ATP2B2: variants seen among roughly 807,000 people sequenced by gnomAD.
ATP2B2 encodes ATPase plasma membrane Ca2+ transporting 2, also known as plasma membrane calcium-transporting ATPase 2.
Under a neutral mutation model 120.0 loss-of-function variants are expected in ATP2B2, and 15 were observed. The ratio of observed to expected loss-of-function variants is 0.12; its 90% CI spans 0.08 to 0.19. ATP2B2 has a LOEUF of 0.19. Among genes scored for constraint, ATP2B2 ranks in the 10% least tolerant of loss-of-function variants. ATP2B2 has a pLI of 1.00. For synonymous variants in ATP2B2, 694 were observed against 700.3 expected, an observed-to-expected ratio of 0.99 and a Z score of 0.14; for missense variants, 1,045 against 1,719.8, an observed-to-expected ratio of 0.61 and a Z score of 6.94.
rs374253650 is a variant in ATP2B2, at chr3:10,382,600, AC to A, written c.1000+2667del. Among the ~76,000 whole-genome samples, 1,027 of 146,890 alleles carry A rather than the reference AC, an allele frequency of 7.0e-3. 12 individuals carry two copies. Among genetic ancestry groups the A allele is most frequent in the African/African-American group, 0.025 (982 of 39,488 alleles). ...TCCAACTCCTGACCTCAAGCAATCC[AC>A]CTGCCTTGGCCTCCCAAAGTGCTGG... On this transcript the variant is annotated intron_variant, in intron 8 of 22. Transcript: ENST00000360273.
chr3:10,348,770 C>A (rs2060496959), intron 16 of ATP2B2, among the ~76,000 whole-genome samples: 1 of 152,240 alleles, frequency 6.6e-6, no homozygotes, highest in Non-Finnish European at 1.5e-5. Flanking sequence ...ATGCAGGGAC[C>A]ACTTATTCAA....
chr3:10,610,979 C>T (rs967005562), intron 2 of ATP2B2, among the ~76,000 whole-genome samples: 1 of 152,162 alleles, frequency 6.6e-6, no homozygotes, highest in African/African-American at 2.4e-5. Flanking sequence ...GCTGACAGTC[C>T]CTCTCAGCAG....
At chr3:10,447,860 A>G (rs1016459665) in intron 2 of ATP2B2, among the ~76,000 whole-genome samples, 15 of 152,378 alleles carry the variant, frequency 9.8e-5, no homozygotes, top group Admixed American at 7.2e-4. Flanking sequence ...ACAAAAAAAT[A>G]GCACCCAGTG....
At chr3:10,571,728 C>T (rs372334664) in intron 2 of ATP2B2, among the ~76,000 whole-genome samples, 54 of 152,170 alleles carry the variant, frequency 3.5e-4, no homozygotes, top group African/African-American at 1.3e-3. Flanking sequence ...TTTAAATGCA[C>T]CCTGGATGAC....
intron 22 of ATP2B2, among the ~76,000 whole-genome samples, chr3:10,335,045 G>A (rs1197081666): frequency 6.6e-6 from 1 of 152,216 alleles, no homozygotes; most frequent in African/African-American, 2.4e-5. Flanking sequence ...GGGGCCCGAA[G>A]CCATGGGTCC....
At chr3:10,504,100 T>C (rs1182475694) in intron 1 of ATP2B2, among the ~76,000 whole-genome samples, 1 of 152,176 alleles carries the variant, frequency 6.6e-6, no homozygotes, top group Admixed American at 6.5e-5. Context: ...GCATATGCCC[T>C]GATGTGAATG....
At chr3:10,603,292 G>C (rs1452191944) in intron 2 of ATP2B2, among the ~76,000 whole-genome samples, 1 of 152,236 alleles carries the variant, frequency 6.6e-6, no homozygotes, top group Non-Finnish European at 1.5e-5. Flanking sequence ...GTGTTTGGCA[G>C]ATGCTCGATA....
chr3:10,551,511 C>T (rs558179648), intron 2 of ATP2B2, among the ~76,000 whole-genome samples: 25 of 152,214 alleles, frequency 1.6e-4, no homozygotes, highest in South Asian at 4.1e-4. Flanking sequence ...CATGCATATT[C>T]CACAGCCCTG....
intron 1 of ATP2B2, among the ~76,000 whole-genome samples, chr3:10,687,386 T>C (rs956682958): frequency 5.3e-5 from 8 of 152,192 alleles, no homozygotes; most frequent in Admixed American, 4.6e-4. Flanking sequence ...AGGAATGTTT[T>C]TGATGCTTGA....
intron 2 of ATP2B2, among the ~76,000 whole-genome samples, chr3:10,428,236 G>A (rs1185158657): frequency 6.6e-6 from 1 of 152,234 alleles, no homozygotes; most frequent in African/African-American, 2.4e-5. Flanking sequence ...AGGATGAGAT[G>A]AGTCAGTAAT....
intron 3 of ATP2B2, among the ~76,000 whole-genome samples, chr3:10,522,458 C>T (rs1056435872): frequency 5.3e-5 from 8 of 152,212 alleles, no homozygotes; most frequent in African/African-American, 1.9e-4. Flanking sequence ...TGCCTATCTC[C>T]CTTCTACCTC....
intron 3 of ATP2B2, among the ~76,000 whole-genome samples, chr3:10,527,712 G>A (rs370782170): frequency 4.3e-4 from 65 of 152,354 alleles, no homozygotes; most frequent in African/African-American, 1.4e-3. Flanking sequence ...GTCCAGGGCT[G>A]TGGGGAGTGC....
intron 12 of ATP2B2, among the ~76,000 whole-genome samples, chr3:10,361,025 G>A (rs990699799): frequency 6.6e-5 from 10 of 151,940 alleles, no homozygotes; most frequent in African/African-American, 1.5e-4. Flanking sequence ...TGTAACTTTC[G>A]GAGCTTGGCT....
intron 2 of ATP2B2, among the ~76,000 whole-genome samples, chr3:10,597,200 C>T (rs2068790871): frequency 6.6e-6 from 1 of 151,202 alleles, no homozygotes; most frequent in Admixed American, 6.6e-5. Context: ...CATACACACA[C>T]AGGCACAGGA....
chr3:10,592,486 A>C (rs1425554590), intron 2 of ATP2B2, among the ~76,000 whole-genome samples: 1 of 152,238 alleles, frequency 6.6e-6, no homozygotes, highest in Non-Finnish European at 1.5e-5. Flanking sequence ...GAAAAGTTCC[A>C]GGCATGCAAA....
intron 16 of ATP2B2, among the ~76,000 whole-genome samples, chr3:10,348,479 A>G (rs571537587): frequency 3.9e-5 from 6 of 152,312 alleles, no homozygotes; most frequent in Non-Finnish European, 7.4e-5. Flanking sequence ...CGTGGTGGGC[A>G]TTGGCGGCCC....
intron 3 of ATP2B2, among the ~76,000 whole-genome samples, chr3:10,532,416 A>G (rs1330008880): frequency 6.6e-6 from 1 of 152,222 alleles, no homozygotes; most frequent in Non-Finnish European, 1.5e-5. Flanking sequence ...GTTGAATTCC[A>G]TGGTGAAAAT....
intron 1 of ATP2B2, among the ~76,000 whole-genome samples, chr3:10,661,323 T>C (rs1459835166): frequency 6.6e-6 from 1 of 152,164 alleles, no homozygotes; most frequent in Non-Finnish European, 1.5e-5. Context: ...TGTTTGCAGA[T>C]GACATGACTG....
In ATP2B2 at chr3:10,358,733, G is replaced by A. The variant is rs372464297; in HGVS notation, c.2094C>T (p.Thr698=). The A allele has an allele frequency of 6.2e-7, 1 of 1,614,254 alleles. No individual in the cohort carries two copies. Among genetic ancestry groups the A allele is most frequent in the Non-Finnish European group, 8.5e-7 (1 of 1,180,044 alleles). The change falls in exon 14 of 23, where the codon ACC becomes ACT. Residue 698 remains threonine, a synonymous_variant. Coordinates refer to ENST00000360273, the MANE Select transcript of ATP2B2 (RefSeq NM_001001331.4). The part of the protein sequence containing the change: ...DNENDILNEL[T]CICVVGIEDP... ...CCTCGATGCCCACCACGCAGATGCA[G>A]GTGAGTTCGTTGAGGATGTCATTCT...
Sources: gnomAD v4.1 joint callset for allele counts (sites outside exome capture counted in the v4.1 genomes callset) on GRCh38, gnomAD v4.1.1 for gene constraint, MANE v1.5 for transcripts, NCBI Gene and HGNC (gene_info 2026-07-23, HGNC 2026-07-21) for gene names.